Variants in SNX27 observed in about 807,000 individuals in gnomAD.
SNX27 encodes sorting nexin 27.
A neutral mutation model predicts 71.6 loss-of-function variants in SNX27; 22 were observed. The observed-to-expected ratio is 0.31, with a 90% CI of 0.22 to 0.44. SNX27 has a LOEUF of 0.44. Ranked by LOEUF, SNX27 falls within the 20% of genes least tolerant of loss-of-function variation. SNX27 has a pLI of 1.00. For synonymous variants in SNX27, 269 were observed against 277.2 expected, an observed-to-expected ratio of 0.97 and a Z score of 0.29; for missense variants, 531 against 698.6, an observed-to-expected ratio of 0.76 and a Z score of 2.70.
At chr1:151,623,060 C>G (rs572190301) in intron 1 of SNX27, among the ~76,000 whole-genome samples, 4 of 152,176 alleles carry the variant, frequency 2.6e-5, no homozygotes, top group Non-Finnish European at 4.4e-5. Context: ...GCAACCTCCC[C>G]CTCCCAGGTC....
At chr1:151,655,901 G>A (rs1365112076) in intron 2 of SNX27, among the ~76,000 whole-genome samples, 1 of 152,130 alleles carries the variant, frequency 6.6e-6, no homozygotes, top group Non-Finnish European at 1.5e-5. Flanking sequence ...GTTCCAGATG[G>A]ATTAAGGACT....
chr1:151,675,802 C>A (rs1390576241), intron 7 of SNX27: 1 of 47,724 alleles, frequency 2.1e-5, no homozygotes. Flanking sequence ...TTCCTTCTTT[C>A]TTTCTTTCTT....
At chr1:151,625,993 A>G (rs1667914452) in intron 1 of SNX27, among the ~76,000 whole-genome samples, 1 of 151,804 alleles carries the variant, frequency 6.6e-6, no homozygotes, top group Non-Finnish European at 1.5e-5. Context: ...GCCGGGCGCA[A>G]TGGCCCACAC....
In SNX27 at chr1:151,694,360, T is replaced by C; in HGVS notation, c.1579-10T>C. 4 of 1,550,320 alleles carry C rather than the reference T, an allele frequency of 2.6e-6. No homozygotes were observed. The highest frequency in any genetic ancestry group is 3.5e-6 in the Non-Finnish European group (4 of 1,146,900). ...GCCTTCCCAATAACTCTTTTTTTTT[T>C]TCCTTTCAGAACATTTTCCAGATGG... is the stretch of plus-strand genomic sequence containing the variant. On this transcript the variant is annotated splice_polypyrimidine_tract_variant and intron_variant, in intron 11 of 11. Coordinates refer to ENST00000458013, the MANE Select transcript of SNX27 (RefSeq NM_001330723.2).
chr1:151,665,397 G>A (rs1670146278), intron 5 of SNX27, among the ~76,000 whole-genome samples: 1 of 152,152 alleles, frequency 6.6e-6, no homozygotes, highest in Non-Finnish European at 1.5e-5. Context: ...CCCAACATGA[G>A]ACATGGATCA....
At chr1:151,623,721 T>C (rs535207404) in intron 1 of SNX27, among the ~76,000 whole-genome samples, 1 of 152,256 alleles carries the variant, frequency 6.6e-6, no homozygotes, top group African/African-American at 2.4e-5. Flanking sequence ...CTAACATTTA[T>C]TGTCCTCCAG....
intron 6 of SNX27, 37 bp downstream of exon 6, chr1:151,666,048 A>C: frequency 6.6e-7 from 1 of 1,516,190 alleles, no homozygotes; most frequent in Non-Finnish European, 9.1e-7. Flanking sequence ...TTTGTTTTCT[A>C]ATACTATGAG....
chr1:151,686,981 A>C (rs1488857334), intron 8 of SNX27, among the ~76,000 whole-genome samples: 1 of 152,270 alleles, frequency 6.6e-6, no homozygotes, highest in South Asian at 2.1e-4. Flanking sequence ...TACAGAAGAG[A>C]GCTCACGTCT....
Position 151,626,124 on chromosome 1 carries a change from G to A in SNX27, c.312-12764G>A, listed in dbSNP as rs1049894817. On this transcript the variant is annotated intron_variant, in intron 1 of 11. Coordinates refer to ENST00000458013, the MANE Select transcript of SNX27 (RefSeq NM_001330723.2). ...ACCCTGGGCGACAGAGCGAGACTCC[G>A]TTTCAAAAAAATAAAAAATAAAATT... 8.6e-5 allele frequency among the ~76,000 whole-genome samples: 13 copies of A among 151,642 alleles called. No homozygotes were observed. The East Asian group carries it at 1.7e-3, about 20-fold the overall frequency.
At chr1:151,634,707 T>C (rs568864516) in intron 1 of SNX27, among the ~76,000 whole-genome samples, 1 of 152,290 alleles carries the variant, frequency 6.6e-6, no homozygotes, top group Non-Finnish European at 1.5e-5. Context: ...TTTCATCTTA[T>C]TTGTGGATTG....
Position 151,658,235 on chromosome 1 carries a change from G to C in SNX27, c.544G>C (p.Val182Leu). 1 of 1,603,120 alleles carries C rather than the reference G, an allele frequency of 6.2e-7. No individual in the cohort carries two copies. The highest frequency in any genetic ancestry group is 1.1e-5 in the South Asian group (1 of 88,984). ...HVEQNGEKFV[V>L]YNVYMAGRQL... ...TTCTTTTGTTCTTCTCCTTCACCAG[G>C]TATATAATGTTTACATGGCAGGGAG... is the stretch of plus-strand genomic sequence containing the variant. Residue 182 changes from valine to leucine, a missense_variant and splice_region_variant, in exon 3 of 12, where the codon GTA (valine) becomes CTA (leucine). Around this residue, in one of 5 missense-constraint regions of SNX27, gnomAD observed 184 missense variants for 289.6 expected, o/e 0.64. Coordinates refer to ENST00000458013, the MANE Select transcript of SNX27 (RefSeq NM_001330723.2).
chr1:151,670,298 G>A (rs1430109690), intron 7 of SNX27, among the ~76,000 whole-genome samples: 1 of 152,162 alleles, frequency 6.6e-6, no homozygotes, highest in Non-Finnish European at 1.5e-5. Context: ...TTCATCCGTT[G>A]ATGGATGCTT....
chr1:151,623,980 G>C (rs1423492446), intron 1 of SNX27, among the ~76,000 whole-genome samples: 2 of 151,908 alleles, frequency 1.3e-5, no homozygotes, highest in Non-Finnish European at 2.9e-5. Flanking sequence ...ATTTATTTTA[G>C]AGACAAGGTA....
At chr1:151,634,160 T>TA (rs1204888123) in intron 1 of SNX27, among the ~76,000 whole-genome samples, 1 of 152,240 alleles carries the variant, frequency 6.6e-6, no homozygotes, top group Non-Finnish European at 1.5e-5. Flanking sequence ...TAGCCATTCT[T>TA]ATAGACATGT....
At chr1:151,673,346 T>A (rs546710976) in intron 7 of SNX27, among the ~76,000 whole-genome samples, 20 of 152,158 alleles carry the variant, frequency 1.3e-4, no homozygotes, top group Non-Finnish European at 2.1e-4. Context: ...ATAATATCAC[T>A]ATGGTCAGAT....
chr1:151,619,186 C>G (rs1381024273), intron 1 of SNX27, among the ~76,000 whole-genome samples: 3 of 151,782 alleles, frequency 2.0e-5, no homozygotes, highest in South Asian at 2.1e-4. Flanking sequence ...GCAAAAAATA[C>G]AAAAGTTAGC....
chr1:151,638,588 C>G (rs1668575371), intron 1 of SNX27, among the ~76,000 whole-genome samples: 1 of 152,150 alleles, frequency 6.6e-6, no homozygotes. Flanking sequence ...ACTGAAAAAG[C>G]TTTGTTTCCT....
At chr1:151,631,383 T>C (rs561350296) in intron 1 of SNX27, among the ~76,000 whole-genome samples, 11 of 152,348 alleles carry the variant, frequency 7.2e-5, no homozygotes, top group African/African-American at 2.2e-4. Context: ...GGAGATGATA[T>C]AATAGCTGTG....
At chr1:151,647,108 G>A (rs1669081203) in intron 2 of SNX27, among the ~76,000 whole-genome samples, 1 of 149,444 alleles carries the variant, frequency 6.7e-6, no homozygotes, top group African/African-American at 2.5e-5. Flanking sequence ...TCTACTGACA[G>A]ACAGGTTTAC....
Sources: allele counts gnomAD v4.1 joint callset (sites outside exome capture counted in the v4.1 genomes callset), GRCh38; gene constraint gnomAD v4.1.1; regional missense constraint gnomAD v4.1.1; transcripts MANE v1.5; gene names NCBI Gene and HGNC (gene_info 2026-07-23, HGNC 2026-07-21).